The following USP32 variants were observed in gnomAD, a reference collection of about 807,000 sequenced individuals.
USP32 encodes ubiquitin carboxyl-terminal hydrolase 32.
USP32 carries 59 observed loss-of-function variants against 204.8 expected under a neutral mutation model. The observed-to-expected ratio is 0.29, with a 90% CI of 0.23 to 0.36. The LOEUF (loss-of-function observed/expected upper bound fraction) is 0.36. Ranked by LOEUF, USP32 falls within the 10% of genes least tolerant of loss-of-function variation. The probability of loss-of-function intolerance (pLI) is 1.00; values close to 1 mark genes in which losing one functional copy is unlikely to be tolerated. For synonymous variants in USP32, 517 were observed against 678.4 expected (o/e 0.76, Z 3.70); for missense variants, 1,160 against 1,946.4 (o/e 0.60, Z 7.60).
chr17:60,181,666 C>T lies in USP32; in HGVS notation c.4206G>A (p.Leu1402=). The T allele has an allele frequency of 2.5e-6, 4 of 1,613,506 alleles. No homozygotes were observed. Among genetic ancestry groups the T allele is most frequent in the Non-Finnish European group, 2.5e-6 (3 of 1,179,844 alleles). The change falls in exon 32 of 34, where the codon TTG becomes TTA. Residue 1402 remains leucine (L), a synonymous_variant. Transcript: ENST00000300896. ...NSSPNSSPRT[L]GRSKGRLRLP... is the part of the protein sequence containing the mutation. ...GCCGGAGCCTCCCTTTGCTCCTCCC[C>T]AAAGTCCGTGGGCTGCTATTAGGGC...
intron 1 of USP32, among the ~76,000 whole-genome samples, chr17:60,370,713 G>C (rs569061463): frequency 1.4e-5 from 2 of 144,440 alleles, no homozygotes; most frequent in East Asian, 4.1e-4. Context: ...AGTGAGTTGT[G>C]ATCACACCAC....
At chr17:60,224,788 GTAAA>G (rs1028439564) in intron 13 of USP32, among the ~76,000 whole-genome samples, 26 of 152,060 alleles carry the variant, frequency 1.7e-4, no homozygotes, top group Admixed American at 5.2e-4. Flanking sequence ...GTCTCTTTAA[GTAAA>G]TAAATAAATA....
rs1200601297 is a variant in USP32 at position 60,260,943 on chromosome 17, A to G, written c.990+4469T>C. ...AACTGCAAGCTCTGCCACATCATGTATCTCAGTCATGAGGAGGCAAAAGAG... is the reference window on the plus strand; with the variant it reads ...AACTGCAAGCTCTGCCACATCATGTGTCTCAGTCATGAGGAGGCAAAAGAG... On this transcript the variant is annotated intron_variant, in intron 9 of 33. Transcript: ENST00000300896. Among the ~76,000 whole-genome samples, 3 of 152,232 alleles carry G rather than the reference A, an allele frequency of 2.0e-5. No homozygotes were observed. In the South Asian group the frequency reaches 6.2e-4, roughly 31 times the overall value.
intron 1 of USP32, among the ~76,000 whole-genome samples, chr17:60,377,725 T>C (rs997296373): frequency 6.6e-6 from 1 of 152,232 alleles, no homozygotes; most frequent in African/African-American, 2.4e-5. Context: ...CCTCTTAATT[T>C]ATCCACAGGC....
At chr17:60,375,186 T>G (rs1348925796) in intron 1 of USP32, among the ~76,000 whole-genome samples, 1 of 152,218 alleles carries the variant, frequency 6.6e-6, no homozygotes, top group African/African-American at 2.4e-5. Flanking sequence ...TCCCTCCTTC[T>G]CTGTGGATAC....
At chr17:60,250,835 A>G (rs1172342924) in intron 11 of USP32, among the ~76,000 whole-genome samples, 3 of 152,124 alleles carry the variant, frequency 2.0e-5, no homozygotes, top group Non-Finnish European at 4.4e-5. Flanking sequence ...AAACTACATG[A>G]GACTAGAGTT....
chr17:60,421,312 A>C, intron 1 of USP32: 1 of 939,360 alleles, frequency 1.1e-6, no homozygotes, highest in Non-Finnish European at 1.3e-6. Flanking sequence ...AGGACAAGTT[A>C]AAAAGTTTCT....
chr17:60,415,459 T>C (rs907813396), intron 1 of USP32, among the ~76,000 whole-genome samples: 8 of 152,198 alleles, frequency 5.3e-5, no homozygotes, highest in Non-Finnish European at 8.8e-5. Context: ...CCAGAATCAC[T>C]GCCGAGAAGG....
chr17:60,385,135 A>G (rs1011948621), intron 1 of USP32, among the ~76,000 whole-genome samples: 1 of 152,198 alleles, frequency 6.6e-6, no homozygotes, highest in African/African-American at 2.4e-5. Context: ...GTCCCACCTT[A>G]ACTGAGCGAT....
intron 12 of USP32, chr17:60,231,756 A>C: frequency 3.1e-6 from 1 of 326,826 alleles, no homozygotes; most frequent in Non-Finnish European, 6.3e-6. Flanking sequence ...AAAAAGGAAG[A>C]TACACATTAT....
At chr17:60,359,368 C>A (rs2089154342) in intron 1 of USP32, among the ~76,000 whole-genome samples, 1 of 152,092 alleles carries the variant, frequency 6.6e-6, no homozygotes, top group Non-Finnish European at 1.5e-5. Context: ...CAGCAAAGAA[C>A]CTTAAATATT....
chr17:60,387,573 G>A (rs997954542), intron 1 of USP32, among the ~76,000 whole-genome samples: 1 of 152,074 alleles, frequency 6.6e-6, no homozygotes, highest in Admixed American at 6.6e-5. Flanking sequence ...AACATATTAT[G>A]TGCATTATTA....
At chr17:60,255,983 C>A (rs932943066) in intron 9 of USP32, among the ~76,000 whole-genome samples, 1 of 152,044 alleles carries the variant, frequency 6.6e-6, no homozygotes, top group African/African-American at 2.4e-5. Flanking sequence ...CATTGACTTG[C>A]AGAATCACTG....
chr17:60,249,433 TA>T (rs2145699182), intron 11 of USP32: 1 of 340,332 alleles, frequency 2.9e-6, no homozygotes, highest in South Asian at 5.1e-5. Flanking sequence ...TGTTCCCTGT[TA>T]AAAATTTGAC....
intron 15 of USP32, among the ~76,000 whole-genome samples, 195 bp downstream of exon 15, chr17:60,222,214 A>AT (rs761357162): frequency 3.9e-5 from 6 of 152,156 alleles, no homozygotes; most frequent in Admixed American, 3.3e-4. Flanking sequence ...ACAGCCTCCT[A>AT]TTTCCTTGCC....
intron 1 of USP32, among the ~76,000 whole-genome samples, chr17:60,347,336 C>T (rs995495118): frequency 6.7e-6 from 1 of 149,448 alleles, no homozygotes; most frequent in African/African-American, 2.5e-5. Flanking sequence ...AGGTGCGCAC[C>T]ACCACACCTG....
At chr17:60,304,434 G>A (rs146298957) in intron 2 of USP32, among the ~76,000 whole-genome samples, 25 of 151,924 alleles carry the variant, frequency 1.6e-4, no homozygotes, top group Admixed American at 1.1e-3. Flanking sequence ...AGTACCTCAG[G>A]CTGGAGGAAA....
chr17:60,213,891 A>G (rs1442459802), intron 17 of USP32, among the ~76,000 whole-genome samples: 3 of 151,642 alleles, frequency 2.0e-5, no homozygotes, highest in Admixed American at 1.3e-4. Context: ...TAAAATTTCA[A>G]TAGGTTTTTG....
At chr17:60,368,806 A>T (rs1052628477) in intron 1 of USP32, among the ~76,000 whole-genome samples, 2 of 152,074 alleles carry the variant, frequency 1.3e-5, no homozygotes, top group Non-Finnish European at 2.9e-5. Flanking sequence ...TATAAGCGAA[A>T]GTGTACAAAC....
Sources: gnomAD v4.1 joint callset for allele counts (sites outside exome capture counted in the v4.1 genomes callset) on GRCh38, gnomAD v4.1.1 for gene constraint, MANE v1.5 for transcripts, NCBI Gene and HGNC (gene_info 2026-07-23, HGNC 2026-07-21) for gene names.